The following PCDHA3 variants were observed in gnomAD, a reference collection of about 807,000 sequenced individuals.
PCDHA3 encodes the protein protocadherin alpha 3, also known as protocadherin alpha-3.
In PCDHA3, 41 loss-of-function variants were observed where a neutral mutation model predicts 62.2. The ratio of observed to expected loss-of-function variants is 0.66; its 90% CI spans 0.51 to 0.86. The LOEUF is 0.86. PCDHA3 is among the 40% of genes least tolerant of loss of function. The pLI is 0.00. For missense variants in PCDHA3, 1,304 were observed against 1,241.2 expected (o/e 1.05, Z -0.76); for synonymous variants, 640 against 555.4 (o/e 1.15, Z -2.14).
chr5:140,993,519 GAGAC>G (rs1554253814), intron 3 of PCDHA3, among the ~76,000 whole-genome samples: 1 of 151,288 alleles, frequency 6.6e-6, no homozygotes, highest in Non-Finnish European at 1.5e-5. Context: ...CGGGGAGAGA[GAGAC>G]AGAGAGAGAG....
In PCDHA3 at chr5:140,871,470, G is replaced by A. The variant is rs782433204; in HGVS notation, c.2394+67879G>A. ...AAGAGGAGGAAGGGGAAAGACAGGAGCCAGGGTCAAATCACCCCGGACAGG... is the reference window on the plus strand; with the variant it reads ...AAGAGGAGGAAGGGGAAAGACAGGAACCAGGGTCAAATCACCCCGGACAGG... On this transcript the variant is annotated intron_variant, in intron 1 of 3. Coordinates refer to ENST00000522353, the MANE Select transcript of PCDHA3 (RefSeq NM_018906.3). The A allele has an allele frequency of 3.1e-6, 5 of 1,601,030 alleles. No individual in the cohort carries two copies. In the South Asian group the frequency reaches 4.5e-5, roughly 14 times the overall value.
chr5:140,874,745 A>G (rs2055087824), intron 1 of PCDHA3, among the ~76,000 whole-genome samples: 2 of 152,242 alleles, frequency 1.3e-5, no homozygotes, highest in African/African-American at 4.8e-5. Flanking sequence ...GCATCAAGGA[A>G]CCAAACAATA....
intron 1 of PCDHA3, among the ~76,000 whole-genome samples, chr5:140,965,255 G>C (rs1426270395): frequency 1.3e-5 from 2 of 152,196 alleles, no homozygotes; most frequent in Non-Finnish European, 2.9e-5. Context: ...ATTCAGAACT[G>C]AGCAGCAGAG....
chr5:140,862,809 G>C (rs782185253), intron 1 of PCDHA3: 2 of 572,722 alleles, frequency 3.5e-6, no homozygotes, highest in South Asian at 1.4e-5. Context: ...AGCTGCTGCA[G>C]TTCTAGGTGA....
At chr5:140,886,276 A>T (rs1352172114) in intron 1 of PCDHA3, among the ~76,000 whole-genome samples, 3 of 152,062 alleles carry the variant, frequency 2.0e-5, no homozygotes, top group Admixed American at 1.3e-4. Flanking sequence ...AAAATTTTTT[A>T]AAATTATTTT....
intron 1 of PCDHA3, chr5:140,822,859 G>T (rs1554128922): frequency 1.2e-6 from 2 of 1,614,176 alleles, no homozygotes; most frequent in South Asian, 1.1e-5. Context: ...CAAAGAGGAC[G>T]CTCCACTCAG....
chr5:140,831,212 T>C (rs1173379795), intron 1 of PCDHA3: 1 of 152,260 alleles, frequency 6.6e-6, no homozygotes, highest in Non-Finnish European at 1.5e-5. Context: ...AGTAAATTTA[T>C]ATGAAAACTG....
At chr5:140,841,793 T>C in intron 1 of PCDHA3, 1 of 1,613,848 alleles carries the variant, frequency 6.2e-7, no homozygotes, top group Non-Finnish European at 8.5e-7. Context: ...AGAGGGCGCG[T>C]CCGATGCAGA....
At chr5:140,986,938 G>A (rs1025641797) in intron 3 of PCDHA3, among the ~76,000 whole-genome samples, 1 of 152,158 alleles carries the variant, frequency 6.6e-6, no homozygotes, top group African/African-American at 2.4e-5. Flanking sequence ...TGGAGGCTGG[G>A]TGTGGTCGCT....
intron 1 of PCDHA3, among the ~76,000 whole-genome samples, chr5:140,839,453 A>G (rs113969469): frequency 3.3e-5 from 5 of 152,018 alleles, no homozygotes; most frequent in African/African-American, 1.2e-4. Context: ...GCAGTGGCAC[A>G]ATCTGGGCTT....
chr5:140,843,647 C>T lies in PCDHA3; in HGVS notation c.2394+40056C>T, dbSNP rs2150364514. 10 of 1,595,364 alleles carry T rather than the reference C, an allele frequency of 6.3e-6. No individual in the cohort carries two copies. The African/African-American group carries it at 1.3e-4, about 21-fold the overall frequency. On this transcript the variant is annotated intron_variant, in intron 1 of 3. Coordinates refer to ENST00000522353, the MANE Select transcript of PCDHA3 (RefSeq NM_018906.3). Reference sequence around the variant, plus strand: ...GGACCTCATGGCCTTCAGCCCCTGCCTTCCTCCTGATCTGGGATCAGTTGA... The same window carrying T: ...GGACCTCATGGCCTTCAGCCCCTGCTTTCCTCCTGATCTGGGATCAGTTGA...
intron 1 of PCDHA3, among the ~76,000 whole-genome samples, chr5:140,957,852 A>ATT (rs5871756): frequency 1.3e-5 from 2 of 151,656 alleles, no homozygotes; most frequent in East Asian, 1.9e-4. Flanking sequence ...GAGTTTGTGT[A>ATT]TTTTTTTTCC....
At position 140,878,750 on chromosome 5, in the gene PCDHA3, T is replaced by A. The variant is rs143616284; in HGVS notation, c.2394+75159T>A. ...AGCCTTATATCTACTTTCTTACATATCTTTAGTTTAGGATCTGGAATATAG... is the reference window on the plus strand; with the variant it reads ...AGCCTTATATCTACTTTCTTACATAACTTTAGTTTAGGATCTGGAATATAG... On this transcript the variant is annotated intron_variant, in intron 1 of 3. Coordinates refer to ENST00000522353, the MANE Select transcript of PCDHA3 (RefSeq NM_018906.3). Among the ~76,000 whole-genome samples, 863 of 152,338 alleles carry A rather than the reference T, an allele frequency of 5.7e-3. 5 individuals are homozygous for A. Among genetic ancestry groups the A allele is most frequent in the Middle Eastern group, 0.014 (4 of 294 alleles).
At chr5:140,954,299 C>T (rs964431670) in intron 1 of PCDHA3, among the ~76,000 whole-genome samples, 2 of 152,166 alleles carry the variant, frequency 1.3e-5, no homozygotes, top group Non-Finnish European at 2.9e-5. Context: ...GGTACATACC[C>T]AGTAATGGGA....
At chr5:141,002,676 T>C (rs2098090585) in intron 3 of PCDHA3, among the ~76,000 whole-genome samples, 1 of 152,196 alleles carries the variant, frequency 6.6e-6, no homozygotes, top group Non-Finnish European at 1.5e-5. Context: ...CCAAAACCTA[T>C]ACGACGTGCA....
At chr5:140,857,947 G>C in intron 1 of PCDHA3, 1 of 1,597,414 alleles carries the variant, frequency 6.3e-7, no homozygotes, top group Non-Finnish European at 8.6e-7. Flanking sequence ...TCAGTACGAC[G>C]CGCGCTCTGG....
In PCDHA3 at chr5:141,002,285, A is replaced by C. The variant is rs2098070605; in HGVS notation, c.2543-7342A>C. On this transcript the variant is annotated intron_variant, in intron 3 of 3. Coordinates refer to ENST00000522353, the MANE Select transcript of PCDHA3 (RefSeq NM_018906.3). ...CCCAGAGCTGGTAACAAAGGGATGA[A>C]TGGGGAGCAAAGGGGCGGGGCCGAA... 4.6e-5 allele frequency among the ~76,000 whole-genome samples: 7 copies of C among 152,158 alleles called. No individual in the cohort carries two copies. In the South Asian group the frequency reaches 1.4e-3, roughly 31 times the overall value.
intron 1 of PCDHA3, chr5:140,929,398 A>G: frequency 6.6e-7 from 1 of 1,510,096 alleles, no homozygotes; most frequent in Non-Finnish European, 8.9e-7. Flanking sequence ...AATATTTCTT[A>G]GACAAGCCTT....
intron 1 of PCDHA3, among the ~76,000 whole-genome samples, chr5:140,948,051 T>A (rs1554218425): frequency 2.0e-5 from 3 of 151,622 alleles, no homozygotes; most frequent in African/African-American, 7.2e-5. Context: ...CATGATTCAT[T>A]GTTGAATTTC....
Sources: gnomAD v4.1 joint callset for allele counts (sites outside exome capture counted in the v4.1 genomes callset) on GRCh38, gnomAD v4.1.1 for gene constraint, MANE v1.5 for transcripts, NCBI Gene and HGNC (gene_info 2026-07-23, HGNC 2026-07-21) for gene names.